Variants in BACH2 observed in about 807,000 individuals in gnomAD.
The protein encoded by BACH2 is transcription regulator protein BACH2.
In BACH2, 5 loss-of-function variants were observed where a neutral mutation model predicts 61.8. That is an observed-to-expected ratio of 0.08 (90% CI 0.04 to 0.17). The LOEUF (loss-of-function observed/expected upper bound fraction) is 0.17, where lower values mean the gene tolerates loss of function less well. Ranked by LOEUF, BACH2 falls within the 10% of genes least tolerant of loss-of-function variation. The pLI, the probability that BACH2 is intolerant of heterozygous loss-of-function variation, is 1.00. For missense variants in BACH2, 824 were observed against 1,091.1 expected, an observed-to-expected ratio of 0.76 and a Z score of 3.45; for synonymous variants, 446 against 440.1, an observed-to-expected ratio of 1.01 and a Z score of -0.17.
intron 6 of BACH2, among the ~76,000 whole-genome samples, chr6:89,988,761 A>G (rs1158470727): frequency 4.6e-5 from 7 of 152,210 alleles, no homozygotes; most frequent in African/African-American, 1.7e-4. Flanking sequence ...AAAATTAGGA[A>G]AGAAAATCGT....
intron 4 of BACH2, among the ~76,000 whole-genome samples, chr6:90,187,611 C>T (rs574127580): frequency 2.0e-5 from 3 of 152,168 alleles, no homozygotes; most frequent in African/African-American, 4.8e-5. Flanking sequence ...TTCACAGAGA[C>T]GGGTCATTCC....
intron 2 of BACH2, among the ~76,000 whole-genome samples, chr6:90,262,523 G>A (rs938152248): frequency 6.6e-6 from 1 of 152,168 alleles, no homozygotes; most frequent in African/African-American, 2.4e-5. Context: ...CTGACACAGA[G>A]TAGGCACTAA....
chr6:89,945,824 G>GT (rs1773689320), intron 7 of BACH2, among the ~76,000 whole-genome samples: 1 of 152,164 alleles, frequency 6.6e-6, no homozygotes, highest in African/African-American at 2.4e-5. Flanking sequence ...GGTGCTCCCA[G>GT]TTTTTTCTTA....
intron 5 of BACH2, among the ~76,000 whole-genome samples, chr6:90,040,589 C>T (rs1779485801): frequency 6.6e-6 from 1 of 151,620 alleles, no homozygotes; most frequent in Admixed American, 6.6e-5. Context: ...GGTATTTTTA[C>T]TGCATTCACA....
intron 4 of BACH2, among the ~76,000 whole-genome samples, chr6:90,132,690 T>C (rs939739961): frequency 1.6e-4 from 24 of 152,212 alleles, no homozygotes; most frequent in African/African-American, 5.5e-4. Flanking sequence ...CCCAGCAACC[T>C]GTCAGGGACA....
intron 6 of BACH2, among the ~76,000 whole-genome samples, chr6:89,984,703 T>C (rs1248142234): frequency 6.6e-6 from 1 of 152,164 alleles, no homozygotes; most frequent in Non-Finnish European, 1.5e-5. Context: ...GAAAAAGTAC[T>C]GAATTATGGT....
chr6:90,114,142 G>GGAAAT (rs1485478087), intron 4 of BACH2, among the ~76,000 whole-genome samples: 1 of 152,090 alleles, frequency 6.6e-6, no homozygotes, highest in Non-Finnish European at 1.5e-5. Flanking sequence ...AATTAGGAGA[G>GGAAAT]GAAATGTCTC....
chr6:90,142,925 G>A (rs1008351556), intron 4 of BACH2, among the ~76,000 whole-genome samples: 2 of 152,172 alleles, frequency 1.3e-5, no homozygotes, highest in Non-Finnish European at 2.9e-5. Context: ...AGCTAGCCTT[G>A]GGTGTGATTT....
In BACH2 at chr6:89,928,258, T is replaced by C. The variant is rs566466601; in HGVS notation, c.*4150A>G. 1 of 152,470 alleles carries C rather than the reference T, an allele frequency of 6.6e-6. No homozygotes were observed. Among genetic ancestry groups the C allele is most frequent in the African/African-American group, 2.4e-5 (1 of 41,586 alleles). The allele number at this position is 152,470 out of a possible 1,614,324, so 9.4% of individuals were successfully genotyped here. On this transcript the variant is annotated 3_prime_UTR_variant, in exon 9 of 9. Transcript: ENST00000257749. ...GCAATAGTGAAGCAGTTTGAAGTCA[T>C]TTCTAAGACAGCTCCTAGTTTAAAT...
At chr6:90,253,401 G>T (rs1770875988) in intron 2 of BACH2, among the ~76,000 whole-genome samples, 1 of 152,158 alleles carries the variant, frequency 6.6e-6, no homozygotes, top group Non-Finnish European at 1.5e-5. Flanking sequence ...CTTTGAAAAA[G>T]ACTTTATTAT....
chr6:89,952,058 T>C, intron 6 of BACH2, 196 bp from the exon 7 acceptor site: 1 of 644,822 alleles, frequency 1.6e-6, no homozygotes, highest in Non-Finnish European at 2.6e-6. Flanking sequence ...ATGCCACTGT[T>C]GTACTCCATC....
intron 4 of BACH2, among the ~76,000 whole-genome samples, chr6:90,109,239 C>T (rs567885396): frequency 1.3e-5 from 2 of 152,140 alleles, no homozygotes; most frequent in South Asian, 4.2e-4. Flanking sequence ...AGTCCATGCT[C>T]AACTCTCTAT....
chr6:89,985,791 A>T (rs933970838), intron 6 of BACH2, among the ~76,000 whole-genome samples: 1 of 152,244 alleles, frequency 6.6e-6, no homozygotes, highest in African/African-American at 2.4e-5. Flanking sequence ...GGCAACTGAA[A>T]GCCCCTTCCA....
intron 5 of BACH2, among the ~76,000 whole-genome samples, chr6:90,066,979 G>A (rs1322091777): frequency 6.6e-6 from 1 of 152,228 alleles, no homozygotes. Flanking sequence ...AAGGATGGGT[G>A]ACGTGCATAG....
At chr6:90,091,406 T>A (rs1301236027) in intron 4 of BACH2, among the ~76,000 whole-genome samples, 1 of 152,128 alleles carries the variant, frequency 6.6e-6, no homozygotes, top group Non-Finnish European at 1.5e-5. Flanking sequence ...AAGACACAGA[T>A]AAAATACACA....
At chr6:90,003,788 T>C (rs1442295664) in intron 6 of BACH2, among the ~76,000 whole-genome samples, 1 of 152,216 alleles carries the variant, frequency 6.6e-6, no homozygotes, top group Non-Finnish European at 1.5e-5. Flanking sequence ...TGGTGGTGTC[T>C]TCTTCAGAGT....
chr6:90,032,238 A>C (rs934039515), intron 5 of BACH2, among the ~76,000 whole-genome samples: 3 of 150,888 alleles, frequency 2.0e-5, no homozygotes, highest in Non-Finnish European at 1.5e-5. Flanking sequence ...TGTTAGACCT[A>C]AAACCATAAA....
At chr6:90,005,160 C>T (rs1582178997) in intron 6 of BACH2, among the ~76,000 whole-genome samples, 1 of 151,952 alleles carries the variant, frequency 6.6e-6, no homozygotes, top group East Asian at 1.9e-4. Flanking sequence ...ACTGGACAGT[C>T]GCTGGACGGC....
intron 4 of BACH2, among the ~76,000 whole-genome samples, chr6:90,144,984 G>A (rs571096856): frequency 6.6e-6 from 1 of 152,258 alleles, no homozygotes; most frequent in South Asian, 2.1e-4. Context: ...TAATAAAAAA[G>A]GATATAGTTC....
Sources: allele counts gnomAD v4.1 joint callset (sites outside exome capture counted in the v4.1 genomes callset), GRCh38; gene constraint gnomAD v4.1.1; transcripts MANE v1.5; gene names NCBI Gene and HGNC (gene_info 2026-07-23, HGNC 2026-07-21).